Variants in NARS2 observed in about 807,000 individuals in gnomAD.
NARS2 encodes asparaginyl-tRNA synthetase 2, mitochondrial, also known as asparaginyl-tRNA synthetase.
Under a neutral mutation model 62.9 loss-of-function variants are expected in NARS2, and 60 were observed. That is an observed-to-expected ratio of 0.95 (90% CI 0.77 to 1.18). NARS2 has a LOEUF of 1.18. Ranked by LOEUF, NARS2 falls within the 50% of genes most tolerant of loss-of-function variation. The pLI is 0.00. For synonymous variants in NARS2, 196 were observed against 200.0 expected (o/e 0.98, Z 0.17); for missense variants, 619 against 576.4 (o/e 1.07, Z -0.76).
chr11:78,559,266 G>A (rs1486573238), intron 5 of NARS2, among the ~76,000 whole-genome samples: 1 of 112,602 alleles, frequency 8.9e-6, no homozygotes, highest in African/African-American at 3.4e-5. Context: ...TCACACCACT[G>A]CACTCCAGCC....
At chr11:78,536,093 G>A (rs1161085384) in intron 5 of NARS2, among the ~76,000 whole-genome samples, 2 of 152,032 alleles carry the variant, frequency 1.3e-5, no homozygotes, top group Non-Finnish European at 2.9e-5. Flanking sequence ...TAGATATGAC[G>A]CATCCATAAG....
chr11:78,504,440 T>G (rs867767889), intron 6 of NARS2, among the ~76,000 whole-genome samples: 5,688 of 150,880 alleles, frequency 0.038, 358 homozygotes, highest in African/African-American at 0.13. Context: ...ACCAGTTTTT[T>G]TTTTTTTTTT....
chr11:78,475,036 G>C (rs950687333), intron 9 of NARS2, among the ~76,000 whole-genome samples: 1 of 152,034 alleles, frequency 6.6e-6, no homozygotes, highest in Non-Finnish European at 1.5e-5. Context: ...TGGTCTAACT[G>C]AAACTTTGTA....
Position 78,509,838 on chromosome 11 carries a change from A to AAAAAAG in NARS2, c.690-16644_690-16643insCTTTTT, listed in dbSNP as rs1555027144. On this transcript the variant is annotated intron_variant, in intron 6 of 13. Coordinates refer to ENST00000281038, the MANE Select transcript of NARS2 (RefSeq NM_024678.6). ...TGAGACTCTGTCTCAAAAAAAAAAAAAAAAGAAAAGAAAAGAAAAGAAAAG... is the reference window on the plus strand; with the variant it reads ...TGAGACTCTGTCTCAAAAAAAAAAAAAAAAAGAAAAGAAAAGAAAAGAAAAGAAAAG... Among the ~76,000 whole-genome samples the AAAAAAG allele has an allele frequency of 3.6e-3, 548 of 150,974 alleles. 11 individuals carry two copies. The highest frequency in any genetic ancestry group is 0.017 in the Middle Eastern group (5 of 290).
intron 3 of NARS2, among the ~76,000 whole-genome samples, 185 bp downstream of exon 3, chr11:78,568,446 AC>A (rs1856811946): frequency 1.3e-5 from 2 of 152,086 alleles, no homozygotes; most frequent in Non-Finnish European, 2.9e-5. Flanking sequence ...ATCAACACTT[AC>A]CTCTCACTAA....
At chr11:78,549,360 G>T (rs1324397477) in intron 5 of NARS2, among the ~76,000 whole-genome samples, 6 of 152,220 alleles carry the variant, frequency 3.9e-5, no homozygotes, top group African/African-American at 1.4e-4. Context: ...CTCCAACACT[G>T]ACTGGGCAAA....
chr11:78,481,614 C>A (rs983564186), intron 7 of NARS2, among the ~76,000 whole-genome samples: 1 of 152,072 alleles, frequency 6.6e-6, no homozygotes, highest in Non-Finnish European at 1.5e-5. Flanking sequence ...ACAATATACT[C>A]CACAAATAAG....
At chr11:78,560,310 G>A (rs564624835) in intron 4 of NARS2, among the ~76,000 whole-genome samples, 13 of 152,228 alleles carry the variant, frequency 8.5e-5, no homozygotes, top group Admixed American at 3.9e-4. Context: ...ATCCATTACC[G>A]AGGTCCCCAA....
intron 12 of NARS2, among the ~76,000 whole-genome samples, chr11:78,443,266 G>A (rs139419568): frequency 0.04 from 6,002 of 148,948 alleles, 407 homozygotes; most frequent in African/African-American, 0.14. Context: ...GGCAGAGCTT[G>A]CAGTGAGCCA....
At position 78,574,379 on chromosome 11, in the gene NARS2, T is replaced by C. The variant is rs1434495530; in HGVS notation, c.110A>G (p.Gln37Arg). Reference protein sequence around the residue: ...KLSVRDALGAQNASGERIKIQ... With the variant: ...KLSVRDALGARNASGERIKIQ... ...CTTAATGCGCTCCCCACTCGCGTTC[T>C]GAGCCCCGAGAGCGTCCCGCACGCT... The change falls in exon 1 of 14, where the codon CAG (glutamine) becomes CGG (arginine). Residue 37 changes from glutamine (Q) to arginine (R), a missense_variant. Coordinates refer to ENST00000281038, the MANE Select transcript of NARS2 (RefSeq NM_024678.6). 6.2e-7 allele frequency: 1 copy of C among 1,614,236 alleles called. No homozygotes were observed. Among genetic ancestry groups the C allele is most frequent in the Non-Finnish European group, 8.5e-7 (1 of 1,180,038 alleles).
chr11:78,503,305 T>C (rs1166887416), intron 6 of NARS2, among the ~76,000 whole-genome samples: 2 of 152,180 alleles, frequency 1.3e-5, no homozygotes, highest in Admixed American at 6.5e-5. Context: ...TGATGCAATC[T>C]TGGCTCACTG....
chr11:78,460,319 C>A (rs1858347241), intron 11 of NARS2, among the ~76,000 whole-genome samples: 1 of 150,358 alleles, frequency 6.7e-6, no homozygotes. Context: ...GCTGTCCAGG[C>A]TGGTCCGGAA....
At chr11:78,539,314 C>T (rs1421913558) in intron 5 of NARS2, among the ~76,000 whole-genome samples, 1 of 151,758 alleles carries the variant, frequency 6.6e-6, no homozygotes, top group African/African-American at 2.4e-5. Flanking sequence ...TAAAGATGAG[C>T]CAACAAAGGA....
chr11:78,464,737 CAG>C (rs1482529913), intron 11 of NARS2, among the ~76,000 whole-genome samples: 6 of 151,922 alleles, frequency 3.9e-5, no homozygotes, highest in South Asian at 4.2e-4. Flanking sequence ...TAGCTAGAAA[CAG>C]AGTGTCCACT....
At chr11:78,545,693 A>G (rs1423451705) in intron 5 of NARS2, among the ~76,000 whole-genome samples, 1 of 151,530 alleles carries the variant, frequency 6.6e-6, no homozygotes, top group Non-Finnish European at 1.5e-5. Context: ...TGGCCAGCTA[A>G]TTTTTGTATT....
chr11:78,523,199 T>C (rs1168520467), intron 6 of NARS2, among the ~76,000 whole-genome samples: 1 of 152,172 alleles, frequency 6.6e-6, no homozygotes, highest in Non-Finnish European at 1.5e-5. Flanking sequence ...CACCTTTTCA[T>C]GTGCTCATTG....
At chr11:78,483,815 C>G (rs1056804330) in intron 7 of NARS2, among the ~76,000 whole-genome samples, 2 of 152,134 alleles carry the variant, frequency 1.3e-5, no homozygotes, top group African/African-American at 4.8e-5. Context: ...GGCCATGCTG[C>G]CCAAAGTAAT....
At chr11:78,542,046 T>G (rs1315832071) in intron 5 of NARS2, among the ~76,000 whole-genome samples, 3 of 152,226 alleles carry the variant, frequency 2.0e-5, no homozygotes, top group African/African-American at 7.2e-5. Context: ...TTGCTACAAA[T>G]GTGTATCTTG....
At chr11:78,569,561 G>T (rs7927503) in intron 2 of NARS2, among the ~76,000 whole-genome samples, 101,119 of 151,822 alleles carry the variant, frequency 0.67, 35,204 homozygotes, top group Non-Finnish European at 0.79. Context: ...AAATTTTATT[G>T]AAGTAAATAA....
Sources: gnomAD v4.1 joint callset for allele counts (sites outside exome capture counted in the v4.1 genomes callset) on GRCh38, gnomAD v4.1.1 for gene constraint, MANE v1.5 for transcripts, NCBI Gene and HGNC (gene_info 2026-07-23, HGNC 2026-07-21) for gene names.